The following XKR6 variants were observed in gnomAD, a reference collection of about 807,000 sequenced individuals.
XKR6 encodes the protein XK related 6, also known as XK-related protein 6.
A neutral mutation model predicts 56.7 loss-of-function variants in XKR6; 22 were observed. That is an observed-to-expected ratio of 0.39 (90% confidence interval 0.28 to 0.55). The LOEUF is 0.55. XKR6 is among the 20% of genes least tolerant of loss of function. XKR6 has a pLI of 0.66. For synonymous variants in XKR6, 524 were observed against 387.8 expected (o/e 1.35, Z -4.13); for missense variants, 852 against 889.0 (o/e 0.96, Z 0.53).
chr8:10,921,660 T>C (rs977333409), intron 2 of XKR6, among the ~76,000 whole-genome samples: 1 of 152,190 alleles, frequency 6.6e-6, no homozygotes, highest in Non-Finnish European at 1.5e-5. Context: ...ACCAGGTCCT[T>C]GGATTTCAAA....
chr8:10,923,717 G>A (rs1358811145), intron 2 of XKR6, among the ~76,000 whole-genome samples: 1 of 152,230 alleles, frequency 6.6e-6, no homozygotes. Flanking sequence ...GACACGGAGG[G>A]CCTCCTGGGG....
At chr8:11,136,400 A>C (rs568072348) in intron 1 of XKR6, among the ~76,000 whole-genome samples, 13 of 151,766 alleles carry the variant, frequency 8.6e-5, no homozygotes, top group African/African-American at 2.9e-4. Context: ...GCTACTCAGA[A>C]GGTTGAGGCA....
At chr8:10,977,312 T>C (rs548345119) in intron 1 of XKR6, among the ~76,000 whole-genome samples, 1 of 151,992 alleles carries the variant, frequency 6.6e-6, no homozygotes, top group East Asian at 2.0e-4. Flanking sequence ...TCCATTGGTC[T>C]CCCCCATCCC....
chr8:11,160,911 CAAAAAAA>C (rs33931830), intron 1 of XKR6, among the ~76,000 whole-genome samples: 1 of 63,778 alleles, frequency 1.6e-5, no homozygotes, highest in Non-Finnish European at 2.8e-5. Context: ...GACTCCGTCT[CAAAAAAA>C]AAAAAAAAAA....
chr8:11,016,374 G>C (rs1214906387), intron 1 of XKR6, among the ~76,000 whole-genome samples: 1 of 152,154 alleles, frequency 6.6e-6, no homozygotes, highest in Admixed American at 6.5e-5. Flanking sequence ...GGGAGTGTGC[G>C]CCGCGGGGAC....
At chr8:10,941,119 G>T (rs1586331483) in intron 1 of XKR6, among the ~76,000 whole-genome samples, 1 of 152,104 alleles carries the variant, frequency 6.6e-6, no homozygotes, top group East Asian at 1.9e-4. Context: ...ACTGCCTTAT[G>T]ACACGGAGAC....
At chr8:11,024,541 C>T (rs1440238763) in intron 1 of XKR6, among the ~76,000 whole-genome samples, 1 of 152,314 alleles carries the variant, frequency 6.6e-6, no homozygotes, top group East Asian at 1.9e-4. Flanking sequence ...ACTCAAATAT[C>T]ACAACCTACC....
rs1197729398 is a variant in XKR6 at position 11,072,406 on chromosome 8, G to A, written c.764+128170C>T. ...CTGTTTTGGTAAGGTCTGCTGGAGA[G>A]ACAGCAGGGCTCCACCCCCTCTCTG... On this transcript the variant is annotated intron_variant, in intron 1 of 2. Coordinates refer to ENST00000416569, the MANE Select transcript of XKR6 (RefSeq NM_173683.4). Among the ~76,000 whole-genome samples, 3 of 152,010 alleles carry A rather than the reference G, an allele frequency of 2.0e-5. No individual in the cohort carries two copies. In the South Asian group the frequency reaches 6.2e-4, roughly 32 times the overall value.
chr8:11,044,142 G>A (rs1336129485), intron 1 of XKR6, among the ~76,000 whole-genome samples: 1 of 152,190 alleles, frequency 6.6e-6, no homozygotes, highest in East Asian at 1.9e-4. Flanking sequence ...ACCACTGACC[G>A]TGGACTGGTT....
Position 11,141,643 on chromosome 8 carries a change from T to C in XKR6, c.764+58933A>G, listed in dbSNP as rs147551723. 2.0e-3 allele frequency among the ~76,000 whole-genome samples: 312 copies of C among 152,246 alleles called. 1 individual carries two copies. Among genetic ancestry groups the C allele is most frequent in the African/African-American group, 7.3e-3 (303 of 41,542 alleles). On this transcript the variant is annotated intron_variant, in intron 1 of 2. Coordinates refer to ENST00000416569, the MANE Select transcript of XKR6 (RefSeq NM_173683.4). The stretch of plus-strand genomic sequence containing the variant: ...AGCAACTAGGCTCCAGTTGGTTACG[T>C]CACTGACGGCTCCACAGCTCTCCCC...
intron 1 of XKR6, among the ~76,000 whole-genome samples, chr8:11,148,366 AGG>A (rs1801099399): frequency 2.0e-5 from 3 of 152,324 alleles, no homozygotes; most frequent in African/African-American, 7.2e-5. Context: ...GTAACAAGGC[AGG>A]TGGAGGGCAG....
chr8:11,115,854 G>A (rs55954932), intron 1 of XKR6, among the ~76,000 whole-genome samples: 3 of 152,188 alleles, frequency 2.0e-5, no homozygotes, highest in African/African-American at 4.8e-5. Context: ...ACATTTCTGA[G>A]TTGGCTTATC....
At chr8:11,144,058 G>A (rs761312090) in intron 1 of XKR6, among the ~76,000 whole-genome samples, 9 of 152,052 alleles carry the variant, frequency 5.9e-5, no homozygotes, top group Admixed American at 1.3e-4. Flanking sequence ...AAGACCCCCC[G>A]TCAATGACCT....
intron 1 of XKR6, among the ~76,000 whole-genome samples, chr8:10,973,744 C>G (rs919329940): frequency 2.0e-5 from 3 of 152,120 alleles, no homozygotes; most frequent in African/African-American, 4.8e-5. Flanking sequence ...CCAGGCCCAG[C>G]TAATTTTTTG....
chr8:10,926,822 A>C (rs1800898793), intron 1 of XKR6, among the ~76,000 whole-genome samples: 1 of 152,228 alleles, frequency 6.6e-6, no homozygotes, highest in Non-Finnish European at 1.5e-5. Context: ...CCGTGAGTTC[A>C]CAAAATCAAG....
At chr8:10,949,211 C>G (rs1474029319) in intron 1 of XKR6, among the ~76,000 whole-genome samples, 1 of 152,246 alleles carries the variant, frequency 6.6e-6, no homozygotes, top group South Asian at 2.1e-4. Context: ...CTTCCAGCCT[C>G]TCCCTCCATA....
chr8:11,164,499 AGAAT>A (rs1666580909), intron 1 of XKR6, among the ~76,000 whole-genome samples: 1 of 152,224 alleles, frequency 6.6e-6, no homozygotes, highest in African/African-American at 2.4e-5. Flanking sequence ...AAAGCAGAAA[AGAAT>A]GAAATAAAGT....
At chr8:11,125,122 A>G (rs1799706172) in intron 1 of XKR6, among the ~76,000 whole-genome samples, 1 of 151,808 alleles carries the variant, frequency 6.6e-6, no homozygotes, top group Admixed American at 6.6e-5. Flanking sequence ...AAAGAAAAAA[A>G]AAGTATTGAT....
rs115075289 is a variant in XKR6 at position 10,909,589 on chromosome 8, C to G, written c.962-10673G>C. ...ATTTTTCTCATGAATGAGTCCACAG[C>G]TATTCTTGGATTCTTAAGTAGGCAA... On this transcript the variant is annotated intron_variant, in intron 2 of 2. Transcript: ENST00000416569. Among the ~76,000 whole-genome samples, 381 of 152,294 alleles carry G rather than the reference C, an allele frequency of 2.5e-3. 3 individuals are homozygous for G. The highest frequency in any genetic ancestry group is 7.6e-3 in the African/African-American group (315 of 41,548).
Sources: allele counts gnomAD v4.1 joint callset (sites outside exome capture counted in the v4.1 genomes callset), GRCh38; gene constraint gnomAD v4.1.1; transcripts MANE v1.5; gene names NCBI Gene and HGNC (gene_info 2026-07-23, HGNC 2026-07-21).